Variants in NAV3 observed in about 807,000 individuals in gnomAD.
NAV3 encodes the protein neuron navigator 3, also known as pore membrane and/or filament interacting like protein 1.
NAV3 carries 87 observed loss-of-function variants against 244.7 expected under a neutral mutation model. The observed-to-expected ratio is 0.36, with a 90% CI of 0.30 to 0.42. The LOEUF (loss-of-function observed/expected upper bound fraction) is 0.42. Among genes scored for constraint, NAV3 ranks in the 20% least tolerant of loss-of-function variants. The probability of loss-of-function intolerance (pLI) is 1.00; values close to 1 mark genes in which losing one functional copy is unlikely to be tolerated. For synonymous variants in NAV3, 1,126 were observed against 1,042.2 expected, an observed-to-expected ratio of 1.08 and a Z score of -1.55; for missense variants, 2,663 against 2,893.3, an observed-to-expected ratio of 0.92 and a Z score of 1.83.
intron 22 of NAV3, among the ~76,000 whole-genome samples, chr12:78,158,749 T>A (rs1463865939): frequency 1.3e-5 from 2 of 152,180 alleles, no homozygotes; most frequent in African/African-American, 4.8e-5. Context: ...AGCGTATCAT[T>A]ACAATAGAGC....
rs1042703923 is a variant in NAV3, at chr12:78,073,606, A to G, written c.2636+14491A>G. Among the ~76,000 whole-genome samples, 5 of 152,174 alleles carry G rather than the reference A, an allele frequency of 3.3e-5. No individual in the cohort carries two copies. The East Asian group carries it at 7.7e-4, about 23-fold the overall frequency. ...AAGAATCAATATCGTGAAAATGGCC[A>G]TACTGCCCAAGGTAATTTATAGATT... is the stretch of plus-strand genomic sequence containing the variant. On this transcript the variant is annotated intron_variant, in intron 12 of 39. Coordinates refer to ENST00000397909, the MANE Select transcript of NAV3 (RefSeq NM_001024383.2).
At chr12:78,013,778 G>A (rs368752684) in intron 8 of NAV3, among the ~76,000 whole-genome samples, 5 of 152,148 alleles carry the variant, frequency 3.3e-5, no homozygotes, top group East Asian at 3.9e-4. Flanking sequence ...ATAGATGAAG[G>A]AGCAATTTAC....
At chr12:77,880,946 A>ATTT (rs35273230) in intron 1 of NAV3, among the ~76,000 whole-genome samples, 20,511 of 152,042 alleles carry the variant, frequency 0.13, 1,482 homozygotes, top group East Asian at 0.22. Context: ...CTTTATCTTT[A>ATTT]TATTTCATTT....
At chr12:77,744,547 A>C (rs542869800) in intron 2 of NAV3, among the ~76,000 whole-genome samples, 8 of 151,994 alleles carry the variant, frequency 5.3e-5, no homozygotes, top group Admixed American at 4.6e-4. Context: ...CTAGTTTTTC[A>C]AGGCTTTGAT....
At chr12:77,611,010 T>G (rs1352569290) in intron 2 of NAV3, among the ~76,000 whole-genome samples, 1 of 151,420 alleles carries the variant, frequency 6.6e-6, no homozygotes, top group Non-Finnish European at 1.5e-5. Context: ...AAAAAAAACC[T>G]ATTAGAAAAA....
At chr12:77,913,360 C>T (rs1886805475) in intron 1 of NAV3, among the ~76,000 whole-genome samples, 4 of 151,846 alleles carry the variant, frequency 2.6e-5, no homozygotes, top group Admixed American at 2.0e-4. Context: ...AATGTTAGAA[C>T]TGTTTAGAAT....
intron 7 of NAV3, among the ~76,000 whole-genome samples, chr12:78,002,336 G>A (rs1222635406): frequency 1.3e-5 from 2 of 152,090 alleles, no homozygotes; most frequent in Non-Finnish European, 2.9e-5. Flanking sequence ...ATTTCTCACC[G>A]TGATTCTTAC....
At chr12:78,062,468 TAGAG>T (rs1884458561) in intron 12 of NAV3, among the ~76,000 whole-genome samples, 1 of 152,134 alleles carries the variant, frequency 6.6e-6, no homozygotes, top group South Asian at 2.1e-4. Flanking sequence ...TATCTGTTCT[TAGAG>T]AGTAATGATG....
At chr12:78,160,994 G>C (rs1957521450) in intron 23 of NAV3, among the ~76,000 whole-genome samples, 2 of 150,288 alleles carry the variant, frequency 1.3e-5, no homozygotes, top group South Asian at 4.2e-4. Context: ...TTTTGCTGCA[G>C]CTTGTCACTT....
At chr12:77,761,608 T>G (rs1869466979) in intron 2 of NAV3, among the ~76,000 whole-genome samples, 1 of 151,738 alleles carries the variant, frequency 6.6e-6, no homozygotes, top group Non-Finnish European at 1.5e-5. Context: ...CATCAAAAAG[T>G]GAGTGAAGGA....
intron 5 of NAV3, 48 bp downstream of exon 5, chr12:77,968,750 A>T (rs767004434): frequency 6.4e-7 from 1 of 1,561,914 alleles, no homozygotes; most frequent in South Asian, 1.1e-5. Flanking sequence ...TTGTGTAGAT[A>T]CAACTTGTTT....
At chr12:78,177,481 A>G (rs1160601305) in intron 27 of NAV3, 139 bp from the exon 28 acceptor site, 1 of 1,130,200 alleles carries the variant, frequency 8.8e-7, no homozygotes, top group Admixed American at 2.8e-5. Flanking sequence ...GGTTTCTTTC[A>G]TTTTCATTTT....
chr12:77,663,522 C>CTTT (rs4017472), intron 2 of NAV3, among the ~76,000 whole-genome samples: 6,485 of 139,274 alleles, frequency 0.047, 237 homozygotes, highest in African/African-American at 0.093. Flanking sequence ...TCTTCTTCTT[C>CTTT]TTTTTTTTTT....
At chr12:77,932,844 C>G (rs1888941047) in intron 1 of NAV3, among the ~76,000 whole-genome samples, 1 of 152,112 alleles carries the variant, frequency 6.6e-6, no homozygotes, top group Non-Finnish European at 1.5e-5. Flanking sequence ...TTCCATGTGC[C>G]CCTTCCCCAT....
chr12:77,702,311 G>T (rs1384866390), intron 2 of NAV3, among the ~76,000 whole-genome samples: 1 of 151,866 alleles, frequency 6.6e-6, no homozygotes, highest in Non-Finnish European at 1.5e-5. Context: ...GGTGTATCTT[G>T]TTATCTTTTT....
chr12:78,190,985 T>G (rs1958951107), intron 34 of NAV3, among the ~76,000 whole-genome samples: 1 of 152,154 alleles, frequency 6.6e-6, no homozygotes, highest in African/African-American at 2.4e-5. Flanking sequence ...ACCTAAAAGT[T>G]TCTGTCGGGA....
At chr12:77,935,567 A>G (rs991546513) in intron 1 of NAV3, among the ~76,000 whole-genome samples, 2 of 152,232 alleles carry the variant, frequency 1.3e-5, no homozygotes, top group Non-Finnish European at 2.9e-5. Context: ...GCAGTGAGCT[A>G]CTAATAACAA....
chr12:77,767,008 C>T (rs769618766), intron 2 of NAV3, among the ~76,000 whole-genome samples: 1 of 151,940 alleles, frequency 6.6e-6, no homozygotes, highest in Admixed American at 6.6e-5. Context: ...CCCGCCTTGG[C>T]CTCCCAGTGC....
intron 22 of NAV3, among the ~76,000 whole-genome samples, chr12:78,150,629 CCTCACACACACACACACA>C (rs1486577450): frequency 5.4e-4 from 66 of 122,638 alleles, no homozygotes; most frequent in African/African-American, 1.8e-3. Flanking sequence ...GCAAAAGCTT[CCTCACACACACACACACA>C]CACACACACA....
Sources: gnomAD v4.1 joint callset for allele counts (sites outside exome capture counted in the v4.1 genomes callset) on GRCh38, gnomAD v4.1.1 for gene constraint, MANE v1.5 for transcripts, NCBI Gene and HGNC (gene_info 2026-07-23, HGNC 2026-07-21) for gene names.